The following LSS variants were observed in gnomAD, a reference collection of about 807,000 sequenced individuals.
LSS encodes lanosterol synthase.
A neutral mutation model predicts 110.3 loss-of-function variants in LSS; 90 were observed. That is an observed-to-expected ratio of 0.82 (90% CI 0.69 to 0.97). The LOEUF (loss-of-function observed/expected upper bound fraction) is 0.97, where lower values mean the gene tolerates loss of function less well. Among genes scored for constraint, LSS ranks in the 50% least tolerant of loss-of-function variants. LSS has a pLI of 0.00. For synonymous variants in LSS, 433 were observed against 400.0 expected (o/e 1.08, Z -0.98); for missense variants, 927 against 990.0 (o/e 0.94, Z 0.85).
chr21:46,225,862 C>T (rs1458797092), intron 3 of LSS, among the ~76,000 whole-genome samples: 1 of 152,156 alleles, frequency 6.6e-6, no homozygotes, highest in East Asian at 1.9e-4. Context: ...AATATCAGCG[C>T]AGCCTGGCAT....
chr21:46,194,385 G>T, intron 20 of LSS, 106 bp downstream of exon 20: 1 of 1,361,612 alleles, frequency 7.3e-7, no homozygotes, highest in Non-Finnish European at 1.0e-6. Context: ...CTGGCCCACA[G>T]GCCTCCCCTC....
intron 17 of LSS, among the ~76,000 whole-genome samples, chr21:46,204,629 AAAAG>A (rs539478549): frequency 8.8e-4 from 134 of 151,752 alleles, no homozygotes; most frequent in African/African-American, 2.3e-3. Flanking sequence ...TCTCAAAAAA[AAAAG>A]AAAGAAAGAA....
In LSS at chr21:46,190,890, A is replaced by G. The variant is rs1227352583; in HGVS notation, c.*214T>C. ...CTTCCTCACCCAAGCCCGACAAGCTACTTTCAGAAATGAACCTACAGTAAA... is the reference window on the plus strand; with the variant it reads ...CTTCCTCACCCAAGCCCGACAAGCTGCTTTCAGAAATGAACCTACAGTAAA... On this transcript the variant is annotated 3_prime_UTR_variant, in exon 22 of 22. Transcript: ENST00000397728. This position sits in a 1 kb window ranked among gnomAD's most constrained non-coding sequence, Gnocchi z 4.6. 3.6e-6 allele frequency: 2 copies of G among 558,994 alleles called. No individual in the cohort carries two copies. Among genetic ancestry groups the G allele is most frequent in the Non-Finnish European group, 6.1e-6 (2 of 326,590 alleles). The allele number at this position is 558,994 out of a possible 1,614,324, so 34.6% of individuals were successfully genotyped here. A position where few individuals can be genotyped will look rare whatever the true frequency, so the allele number is the denominator to read the frequency against.
intron 5 of LSS, among the ~76,000 whole-genome samples, chr21:46,220,932 G>C (rs2080270328): frequency 6.7e-6 from 1 of 150,340 alleles, no homozygotes; most frequent in Non-Finnish European, 1.5e-5. Context: ...GAGGTAGCCA[G>C]GCCAGGGCTT....
chr21:46,199,546 G>T (rs143675021), intron 17 of LSS, among the ~76,000 whole-genome samples: 3 of 152,184 alleles, frequency 2.0e-5, no homozygotes, highest in Non-Finnish European at 2.9e-5. Context: ...TTATGTGCAC[G>T]CTAACATTGA....
Position 46,226,870 on chromosome 21 carries a change from G to A in LSS, c.319+682C>T, listed in dbSNP as rs143711746. On this transcript the variant is annotated intron_variant, in intron 3 of 21. Coordinates refer to ENST00000397728, the MANE Select transcript of LSS (RefSeq NM_002340.6). ...ACTTTCTATCTATTACAAAGTCAGC[G>A]TAGTAAAAGAAAATGATGTATCAGT... Among the ~76,000 whole-genome samples, 1,400 of 152,302 alleles carry A rather than the reference G, an allele frequency of 9.2e-3. 27 individuals are homozygous for A. The highest frequency in any genetic ancestry group is 0.032 in the African/African-American group (1,319 of 41,548).
intron 20 of LSS, chr21:46,193,609 G>C (rs7280781): frequency 2.4e-6 from 1 of 415,540 alleles, no homozygotes; most frequent in African/African-American, 2.5e-5. Context: ...CTGTGCATGC[G>C]TATGTGTGTG....
chr21:46,209,704 G>A lies in LSS; in HGVS notation c.1195-79C>T. On this transcript the variant is annotated intron_variant, in intron 12 of 21. Transcript: ENST00000397728. The surrounding 1 kb of genome is among the most constrained non-coding windows in gnomAD (Gnocchi z 4.4). The stretch of plus-strand genomic sequence containing the variant: ...GCTGCGCTGGTTTCCCGATGGTCCT[G>A]GCCACATCCTGCCCCAACCGGGGAC... The A allele has an allele frequency of 2.4e-6, 3 of 1,271,466 alleles. No individual in the cohort carries two copies. The highest frequency in any genetic ancestry group is 2.5e-5 in the East Asian group (1 of 40,270). The allele number at this position is 1,271,466 out of a possible 1,614,324, so 78.8% of individuals were successfully genotyped here.
rs1253802617 is a variant in LSS, at chr21:46,189,396, C to CCGA, written c.*1707_*1708insTCG. 1 of 320,584 alleles carries CCGA rather than the reference C, an allele frequency of 3.1e-6. No individual in the cohort carries two copies. Among genetic ancestry groups the CCGA allele is most frequent in the Non-Finnish European group, 6.1e-6 (1 of 163,710 alleles). 19.9% of individuals were successfully genotyped at this position (320,584 alleles called of 1,614,324 possible). ...GCAAACCTGACAGATGTCAAGGGTC[C>CCGA]CAACACAGTTCCTTCAGCGAAAATA... On this transcript the variant is annotated 3_prime_UTR_variant, in exon 22 of 22. Coordinates refer to ENST00000397728, the MANE Select transcript of LSS (RefSeq NM_002340.6).
intron 17 of LSS, among the ~76,000 whole-genome samples, chr21:46,196,528 A>G (rs2079912376): frequency 6.6e-6 from 1 of 152,228 alleles, no homozygotes; most frequent in Admixed American, 6.5e-5. Context: ...CACAGCTGCA[A>G]ACAGGAGCAG....
At chr21:46,213,281 G>A (rs1394713102) in intron 10 of LSS, among the ~76,000 whole-genome samples, 1 of 152,210 alleles carries the variant, frequency 6.6e-6, no homozygotes, top group Non-Finnish European at 1.5e-5. Flanking sequence ...AAGGCAAGGG[G>A]CAGCGGGAGG....
chr21:46,203,387 G>A (rs1248079589), intron 17 of LSS, among the ~76,000 whole-genome samples: 2 of 152,200 alleles, frequency 1.3e-5, no homozygotes, highest in Admixed American at 1.3e-4. Context: ...ACCTCACCAG[G>A]CACAAAGTGG....
At chr21:46,225,387 C>A in intron 3 of LSS, 4 of 453,456 alleles carry the variant, frequency 8.8e-6, no homozygotes, top group Non-Finnish European at 8.8e-6. Context: ...CGGACCCAAC[C>A]GTGGTCTAGC....
chr21:46,213,878 C>G, intron 9 of LSS, 43 bp from the exon 10 acceptor site: 1 of 1,368,256 alleles, frequency 7.3e-7, no homozygotes, highest in Non-Finnish European at 1.0e-6. Flanking sequence ...TCCAGACCCA[C>G]AGCAGCCTCC....
At chr21:46,193,171 G>A (rs747065908) in intron 20 of LSS, 2 of 448,282 alleles carry the variant, frequency 4.5e-6, no homozygotes, top group Non-Finnish European at 8.9e-6. Flanking sequence ...CTGTCTTCAT[G>A]TACCTATGTC....
In LSS at chr21:46,190,193, C is replaced by T. The variant is rs1479314920; in HGVS notation, c.*911G>A. 4 of 182,404 alleles carry T rather than the reference C, an allele frequency of 2.2e-5. No homozygotes were observed. Among genetic ancestry groups the T allele is most frequent in the Non-Finnish European group, 3.5e-5 (3 of 86,666 alleles). 11.3% of individuals were successfully genotyped at this position (182,404 alleles called of 1,614,324 possible). ...ACATAGCAGTGCCCCGCGGCAGTAA[C>T]TACAACTGCTGCCTGCCCCTCACCC... On this transcript the variant is annotated 3_prime_UTR_variant, in exon 22 of 22. Transcript: ENST00000397728. This position sits in a 1 kb window ranked among gnomAD's most constrained non-coding sequence, Gnocchi z 4.6.
At chr21:46,215,603 C>T (rs1215502576) in intron 8 of LSS, 82 bp downstream of exon 8, 5 of 976,592 alleles carry the variant, frequency 5.1e-6, no homozygotes, top group Non-Finnish European at 7.6e-6. Context: ...GTGCCGCTGG[C>T]AGGGGATGAG....
In LSS at chr21:46,188,608, C is replaced by T. The variant is rs936065073; in HGVS notation, c.*2496G>A. On this transcript the variant is annotated 3_prime_UTR_variant, in exon 22 of 22. Coordinates refer to ENST00000397728, the MANE Select transcript of LSS (RefSeq NM_002340.6). ...CACCCTCCCAGCACCGAGAAGCCGA[C>T]GGGGGAGGAACAGACTCCTCTGCAT... The T allele has an allele frequency of 2.8e-5, 13 of 470,154 alleles. No individual in the cohort carries two copies. The highest frequency in any genetic ancestry group is 6.2e-5 in the South Asian group (4 of 64,504). 29.1% of individuals were successfully genotyped at this position (470,154 alleles called of 1,614,324 possible). A position where few individuals can be genotyped will look rare whatever the true frequency, so the allele number is the denominator to read the frequency against.
At position 46,196,915 on chromosome 21, in the gene LSS, T is replaced by C. The variant is rs190864296; in HGVS notation, c.1671-648A>G. 2.7e-3 allele frequency among the ~76,000 whole-genome samples: 409 copies of C among 152,356 alleles called. 3 individuals carry two copies. The highest frequency in any genetic ancestry group is 8.1e-3 in the African/African-American group (337 of 41,576). On this transcript the variant is annotated intron_variant, in intron 17 of 21. Transcript: ENST00000397728. ...CCCGCAGCAGACGGTAGTCGGCAGC[T>C]TCCAGCTGAGGAATGGGATCGTGCC...
Sources: allele counts gnomAD v4.1 joint callset (sites outside exome capture counted in the v4.1 genomes callset), GRCh38; gene constraint gnomAD v4.1.1; non-coding constraint Gnocchi (gnomAD v3.1); transcripts MANE v1.5; gene names NCBI Gene and HGNC (gene_info 2026-07-23, HGNC 2026-07-21).